The following NSD2 variants were observed in gnomAD, a reference collection of about 807,000 sequenced individuals.
NSD2 encodes histone-lysine N-methyltransferase NSD2.
In NSD2, 12 loss-of-function variants were observed where a neutral mutation model predicts 139.0. The ratio of observed to expected loss-of-function variants is 0.09; its 90% CI spans 0.06 to 0.14. The LOEUF (loss-of-function observed/expected upper bound fraction) is 0.14, where lower values mean the gene tolerates loss of function less well. NSD2 is among the 10% of genes least tolerant of loss of function. The pLI, the probability that NSD2 is intolerant of heterozygous loss-of-function variation, is 1.00. For synonymous variants in NSD2, 669 were observed against 648.7 expected (o/e 1.03, Z -0.48); for missense variants, 1,155 against 1,745.0 (o/e 0.66, Z 6.02).
chr4:1,909,029 A>G (rs1718312065), intron 3 of NSD2, among the ~76,000 whole-genome samples: 1 of 151,836 alleles, frequency 6.6e-6, no homozygotes, highest in Admixed American at 6.6e-5. Context: ...CACTTTCTAC[A>G]TTTTAGTTGT....
intron 1 of NSD2, among the ~76,000 whole-genome samples, chr4:1,897,490 A>AG (rs1474342223): frequency 6.6e-6 from 1 of 150,790 alleles, no homozygotes; most frequent in African/African-American, 2.5e-5. Flanking sequence ...CCCTGTCTCA[A>AG]GGGAAAAAAA....
intron 1 of NSD2, among the ~76,000 whole-genome samples, chr4:1,883,941 G>A (rs746359628): frequency 6.6e-6 from 1 of 152,204 alleles, no homozygotes; most frequent in Non-Finnish European, 1.5e-5. Flanking sequence ...GAACTGTCAC[G>A]AGAGCATGGA....
In NSD2 at chr4:1,956,824, G is replaced by A. The variant is rs539042957; in HGVS notation, c.2881+636G>A. Among the ~76,000 whole-genome samples, 55 of 152,340 alleles carry A rather than the reference G, an allele frequency of 3.6e-4. 1 individual carries two copies. Among genetic ancestry groups the A allele is most frequent in the Non-Finnish European group, 5.6e-4 (38 of 68,036 alleles). ...GAGAAGCACACGCTGTGTTGCAGCC[G>A]GGTCAGTGCTGGCTCCTGTGTGACT... On this transcript the variant is annotated intron_variant, in intron 15 of 21. Transcript: ENST00000508803. This position sits in a 1 kb window ranked among gnomAD's most constrained non-coding sequence, Gnocchi z 5.3.
chr4:1,881,156 G>T (rs1423622860), intron 1 of NSD2, among the ~76,000 whole-genome samples: 2 of 152,116 alleles, frequency 1.3e-5, no homozygotes, highest in Non-Finnish European at 2.9e-5. Context: ...TTTTTTTTGA[G>T]ATAGGGTCCC....
At position 1,977,961 on chromosome 4, in the gene NSD2, T is replaced by C. The variant is rs186255003; in HGVS notation, c.3827-677T>C. On this transcript the variant is annotated intron_variant, in intron 21 of 21. Coordinates refer to ENST00000508803, the MANE Select transcript of NSD2 (RefSeq NM_001042424.3). Reference sequence around the variant, plus strand: ...GGCCAACATGGTGAAACCTCATCTCTACTGAACATAGAAAAATTAGCTGGT... The same window carrying C: ...GGCCAACATGGTGAAACCTCATCTCCACTGAACATAGAAAAATTAGCTGGT... Among the ~76,000 whole-genome samples, 192 of 152,138 alleles carry C rather than the reference T, an allele frequency of 1.3e-3. 1 individual carries two copies. Among genetic ancestry groups the C allele is most frequent in the Non-Finnish European group, 2.2e-3 (149 of 68,002 alleles).
intron 6 of NSD2, among the ~76,000 whole-genome samples, chr4:1,933,996 T>C (rs1165307849): frequency 6.6e-6 from 1 of 151,754 alleles, no homozygotes; most frequent in Admixed American, 6.5e-5. Context: ...TTTAAGGAAA[T>C]GTTTAAAAAG....
At chr4:1,927,432 G>A (rs1465973515) in intron 5 of NSD2, among the ~76,000 whole-genome samples, 1 of 151,922 alleles carries the variant, frequency 6.6e-6, no homozygotes, top group Non-Finnish European at 1.5e-5. Flanking sequence ...AAGATGTTGG[G>A]GGGAGCACAG....
At chr4:1,874,038 C>G (rs1416588960) in intron 1 of NSD2, among the ~76,000 whole-genome samples, 1 of 152,280 alleles carries the variant, frequency 6.6e-6, no homozygotes, top group Middle Eastern at 3.4e-3. Flanking sequence ...CTGCCCTGTC[C>G]TTTTTAGCTG....
intron 5 of NSD2, among the ~76,000 whole-genome samples, chr4:1,926,404 C>T (rs144907724): frequency 3.7e-4 from 56 of 151,890 alleles, no homozygotes; most frequent in Non-Finnish European, 6.9e-4. Flanking sequence ...CCGCCTGCCT[C>T]AGCCTCCCAA....
intron 9 of NSD2, chr4:1,944,303 T>C (rs1006977757): frequency 2.8e-6 from 3 of 1,066,116 alleles, no homozygotes; most frequent in Admixed American, 5.3e-5. Flanking sequence ...TTGAAAGAAC[T>C]TAGGGAGGAC....
Position 1,955,450 on chromosome 4 carries a change from TC to T in NSD2, c.2518+111del, listed in dbSNP as rs1724710840. On this transcript the variant is annotated intron_variant, in intron 13 of 21. Transcript: ENST00000508803. This position sits in a 1 kb window ranked among gnomAD's most constrained non-coding sequence, Gnocchi z 4.7. Reference sequence around the variant, plus strand: ...CTGTGTTCATTGATGTTGACAGTGTTCTGTGCGTCTTCACGTTAATAGTATA... The same window carrying T: ...CTGTGTTCATTGATGTTGACAGTGTTTGTGCGTCTTCACGTTAATAGTATA... The T allele has an allele frequency of 1.4e-6, 2 of 1,381,610 alleles. No homozygotes were observed. 85.6% of individuals were successfully genotyped at this position (1,381,610 alleles called of 1,614,324 possible).
At position 1,953,315 on chromosome 4, in the gene NSD2, T is replaced by G. The variant is rs1389784301; in HGVS notation, c.2138-9T>G. ...CTCTCTCTCCACCCCTTCTTTAACT[T>G]TTTGTTAGGGATTCACTCATGTTTC... On this transcript the variant is annotated splice_polypyrimidine_tract_variant and intron_variant, in intron 11 of 21. Coordinates refer to ENST00000508803, the MANE Select transcript of NSD2 (RefSeq NM_001042424.3). 2 of 1,614,070 alleles carry G rather than the reference T, an allele frequency of 1.2e-6. No homozygotes were observed. The highest frequency in any genetic ancestry group is 2.7e-5 in the African/African-American group (2 of 74,930).
chr4:1,980,748 C>A lies in NSD2; in HGVS notation c.*1839C>A, dbSNP rs1727675862. On this transcript the variant is annotated 3_prime_UTR_variant, in exon 22 of 22. Transcript: ENST00000508803. ...CCAGGGGAAACGAGCTGTGTAGCCA[C>A]TGACTTGCTCGCGCGGCCGTGGCCT... The A allele has an allele frequency of 4.3e-6, 1 of 233,128 alleles. No individual in the cohort carries two copies. The highest frequency in any genetic ancestry group is 2.2e-5 in the African/African-American group (1 of 45,336). The allele number at this position is 233,128 out of a possible 1,614,324, so 14.4% of individuals were successfully genotyped here. A position where few individuals can be genotyped will look rare whatever the true frequency, so the allele number is the denominator to read the frequency against.
chr4:1,970,806 T>G (rs956557884), intron 18 of NSD2, among the ~76,000 whole-genome samples: 1 of 152,132 alleles, frequency 6.6e-6, no homozygotes, highest in Non-Finnish European at 1.5e-5. Flanking sequence ...GCATGCAGGC[T>G]GACGGGTCAC....
rs1719313669 is a variant in NSD2 at position 1,915,831 on chromosome 4, G to C, written c.761-1040G>C. ...TTTGATTCATCTGGGCCAGTGTTCT[G>C]CATGAGGGGACAGGGAGTGGTAACT... On this transcript the variant is annotated intron_variant, in intron 3 of 21. Coordinates refer to ENST00000508803, the MANE Select transcript of NSD2 (RefSeq NM_001042424.3). Among the ~76,000 whole-genome samples, 5 of 152,170 alleles carry C rather than the reference G, an allele frequency of 3.3e-5. No homozygotes were observed. The South Asian group carries it at 1.0e-3, about 32-fold the overall frequency.
At position 1,981,246 on chromosome 4, in the gene NSD2, A is replaced by C. The variant is rs146115430; in HGVS notation, c.*2337A>C. 1,212 of 233,294 alleles carry C rather than the reference A, an allele frequency of 5.2e-3. 1 individual carries two copies. Among genetic ancestry groups the C allele is most frequent in the Non-Finnish European group, 8.4e-3 (994 of 118,046 alleles). 14.5% of individuals were successfully genotyped at this position (233,294 alleles called of 1,614,324 possible). On this transcript the variant is annotated 3_prime_UTR_variant, in exon 22 of 22. Coordinates refer to ENST00000508803, the MANE Select transcript of NSD2 (RefSeq NM_001042424.3). ...TAATGAGCAAGTAACACTAACTTTG[A>C]ATGTCTCTACAATACCCGTTGATAA...
In NSD2 at chr4:1,921,800, A is replaced by G. The variant is rs1432003374; in HGVS notation, c.1410+3177A>G. Among the ~76,000 whole-genome samples, 5 of 151,424 alleles carry G rather than the reference A, an allele frequency of 3.3e-5. No homozygotes were observed. In the East Asian group the frequency reaches 5.8e-4, roughly 18 times the overall value. On this transcript the variant is annotated intron_variant, in intron 5 of 21. Transcript: ENST00000508803. ...CTGTCTCAAAAAAAAAAAAAAAAAAAGAATAAGACAGGAAACCATTTTTCA... is the reference window on the plus strand; with the variant it reads ...CTGTCTCAAAAAAAAAAAAAAAAAAGGAATAAGACAGGAAACCATTTTTCA...
chr4:1,901,646 AG>A (rs1470962398), intron 2 of NSD2, among the ~76,000 whole-genome samples: 1 of 152,238 alleles, frequency 6.6e-6, no homozygotes, highest in Non-Finnish European at 1.5e-5. Flanking sequence ...CAGTGGAGAC[AG>A]GCTGGGCTCT....
At chr4:1,896,295 G>T (rs1716289396) in intron 1 of NSD2, among the ~76,000 whole-genome samples, 1 of 152,246 alleles carries the variant, frequency 6.6e-6, no homozygotes. Flanking sequence ...CTGGGGTCCT[G>T]CCATGGGCAG....
Sources: gnomAD v4.1 joint callset for allele counts (sites outside exome capture counted in the v4.1 genomes callset) on GRCh38, gnomAD v4.1.1 for gene constraint, Gnocchi (gnomAD v3.1) non-coding constraint, MANE v1.5 for transcripts, NCBI Gene and HGNC (gene_info 2026-07-23, HGNC 2026-07-21) for gene names.